Variants in ADCYAP1R1 observed in about 807,000 individuals in gnomAD.
The protein encoded by ADCYAP1R1 is ADCYAP receptor type I.
In ADCYAP1R1, 44 loss-of-function variants were observed where a neutral mutation model predicts 67.6. The observed-to-expected ratio is 0.65, with a 90% CI of 0.51 to 0.84. The LOEUF is 0.84. Ranked by LOEUF, ADCYAP1R1 falls within the 40% of genes least tolerant of loss-of-function variation. The pLI, the probability that ADCYAP1R1 is intolerant of heterozygous loss-of-function variation, is 0.00. For missense variants in ADCYAP1R1, 477 were observed against 587.9 expected (o/e 0.81, Z 1.95); for synonymous variants, 222 against 219.6 (o/e 1.01, Z -0.10).
Position 31,102,323 on chromosome 7 carries a change from T to C in ADCYAP1R1, c.1047-914T>C, listed in dbSNP as rs1163429053. ...GCAGGCCACATCTGCAGGGCAGAGCTGGACTCTCTGGGGGAGACCCACAGG... is the reference window on the plus strand; with the variant it reads ...GCAGGCCACATCTGCAGGGCAGAGCCGGACTCTCTGGGGGAGACCCACAGG... On this transcript the variant is annotated intron_variant, in intron 13 of 15. Transcript: ENST00000304166. This position sits in a 1 kb window ranked among gnomAD's most constrained non-coding sequence, Gnocchi z 4.3. 1.3e-5 allele frequency among the ~76,000 whole-genome samples: 2 copies of C among 152,182 alleles called. No homozygotes were observed. Among genetic ancestry groups the C allele is most frequent in the African/African-American group, 4.8e-5 (2 of 41,446 alleles).
intron 13 of ADCYAP1R1, among the ~76,000 whole-genome samples, chr7:31,097,049 C>T (rs147260072): frequency 6.6e-6 from 1 of 152,240 alleles, no homozygotes; most frequent in East Asian, 1.9e-4. Flanking sequence ...TGTGCTGGAT[C>T]CCCGGCTGAC....
At chr7:31,063,171 TCA>T (rs1794580857) in intron 1 of ADCYAP1R1, 21 bp from the exon 2 acceptor site, 1 of 1,510,518 alleles carries the variant, frequency 6.6e-7, no homozygotes, top group Non-Finnish European at 9.2e-7. Flanking sequence ...CTCACAGGAT[TCA>T]CACCTTTCCT....
At position 31,102,838 on chromosome 7, in the gene ADCYAP1R1, A is replaced by G. The variant is rs1796490923; in HGVS notation, c.1047-399A>G. Among the ~76,000 whole-genome samples the G allele has an allele frequency of 6.6e-6, 1 of 152,192 alleles. No individual in the cohort carries two copies. The highest frequency in any genetic ancestry group is 1.5e-5 in the Non-Finnish European group (1 of 68,024). On this transcript the variant is annotated intron_variant, in intron 13 of 15. Coordinates refer to ENST00000304166, the MANE Select transcript of ADCYAP1R1 (RefSeq NM_001118.5). The surrounding 1 kb of genome is among the most constrained non-coding windows in gnomAD (Gnocchi z 4.3). The stretch of plus-strand genomic sequence containing the variant: ...CCATCGAGGGCTGCTTCTTTCAGGC[A>G]CAAAGAGCTTTCTTCCAGAACAGGA...
intron 13 of ADCYAP1R1, among the ~76,000 whole-genome samples, chr7:31,101,831 A>T (rs1796449800): frequency 6.6e-6 from 1 of 152,190 alleles, no homozygotes; most frequent in South Asian, 2.1e-4. Flanking sequence ...GGATGGAAGG[A>T]TGGACTGGTC....
intron 13 of ADCYAP1R1, among the ~76,000 whole-genome samples, chr7:31,093,486 A>G (rs189543337): frequency 2.0e-4 from 30 of 152,108 alleles, no homozygotes; most frequent in African/African-American, 6.3e-4. Context: ...ATGAAATCAG[A>G]CATAGCAGCT....
chr7:31,084,614 G>T (rs1324970658), intron 7 of ADCYAP1R1, 123 bp from the exon 8 acceptor site: 2 of 802,060 alleles, frequency 2.5e-6, no homozygotes, highest in Admixed American at 3.6e-5. Context: ...GCAGAAGAGA[G>T]GAAGGAGGAG....
At chr7:31,098,703 C>G (rs567201310) in intron 13 of ADCYAP1R1, among the ~76,000 whole-genome samples, 75 of 59,542 alleles carry the variant, frequency 1.3e-3, no homozygotes, top group Non-Finnish European at 2.6e-3. Flanking sequence ...TGCAGCGGGG[C>G]GGGGGGGGGG....
chr7:31,065,033 G>A lies in ADCYAP1R1; in HGVS notation c.157+97G>A, dbSNP rs1794678869. On this transcript the variant is annotated intron_variant, in intron 3 of 15. Coordinates refer to ENST00000304166, the MANE Select transcript of ADCYAP1R1 (RefSeq NM_001118.5). ...TCGGCCAGTGAGTGGTCAAGGTATG[G>A]GTTTCTGGGGACTTCAGAAGGCCCT... is the stretch of plus-strand genomic sequence containing the variant. The A allele has an allele frequency of 5.8e-6, 5 of 854,888 alleles. No homozygotes were observed. In the South Asian group the frequency reaches 8.7e-5, roughly 15 times the overall value. The allele number at this position is 854,888 out of a possible 1,614,324, so 53.0% of individuals were successfully genotyped here.
intron 13 of ADCYAP1R1, among the ~76,000 whole-genome samples, chr7:31,094,725 C>T (rs1030714308): frequency 3.9e-5 from 6 of 152,160 alleles, no homozygotes; most frequent in African/African-American, 9.7e-5. Flanking sequence ...AGGTTCTCCA[C>T]GGACCAGGAG....
rs563245392 is a variant in ADCYAP1R1, at chr7:31,068,650, C to T, written c.157+3714C>T. On this transcript the variant is annotated intron_variant, in intron 3 of 15. Coordinates refer to ENST00000304166, the MANE Select transcript of ADCYAP1R1 (RefSeq NM_001118.5). Reference sequence around the variant, plus strand: ...GCCCAGGAGAGAATGAGGTCTCGGCCTCTAATGACTTGCTTGGGAAGGAGA... The same window carrying T: ...GCCCAGGAGAGAATGAGGTCTCGGCTTCTAATGACTTGCTTGGGAAGGAGA... Among the ~76,000 whole-genome samples the T allele has an allele frequency of 2.0e-5, 3 of 152,322 alleles. No individual in the cohort carries two copies. The East Asian group carries it at 5.8e-4, about 29-fold the overall frequency.
intron 6 of ADCYAP1R1, among the ~76,000 whole-genome samples, chr7:31,083,239 C>T (rs1795586292): frequency 6.6e-6 from 1 of 152,260 alleles, no homozygotes; most frequent in Admixed American, 6.5e-5. Flanking sequence ...AAGGGAGCTG[C>T]TTGCTCACCC....
At chr7:31,070,327 C>T (rs897696013) in intron 3 of ADCYAP1R1, among the ~76,000 whole-genome samples, 32 of 152,208 alleles carry the variant, frequency 2.1e-4, no homozygotes, top group African/African-American at 6.8e-4. Flanking sequence ...TGTGGTCCTC[C>T]ATGGGGGTCC....
intron 5 of ADCYAP1R1, 87 bp downstream of exon 5, chr7:31,080,720 C>T: frequency 1.4e-6 from 2 of 1,437,978 alleles, no homozygotes; most frequent in Non-Finnish European, 1.9e-6. Context: ...GCTCCGGCTG[C>T]TGGGATTGGG....
At chr7:31,103,915 A>T (rs891747085) in intron 14 of ADCYAP1R1, among the ~76,000 whole-genome samples, 1 of 152,230 alleles carries the variant, frequency 6.6e-6, no homozygotes, top group Non-Finnish European at 1.5e-5. Flanking sequence ...TGAGGAAATG[A>T]GCAGGCAGGA....
chr7:31,086,252 C>T lies in ADCYAP1R1; in HGVS notation c.670-132C>T, dbSNP rs934986508. 2.0e-6 allele frequency: 2 copies of T among 985,944 alleles called. No homozygotes were observed. Among genetic ancestry groups the T allele is most frequent in the African/African-American group, 3.3e-5 (2 of 60,660 alleles). 61.1% of individuals were successfully genotyped at this position (985,944 alleles called of 1,614,324 possible). Reference sequence around the variant, plus strand: ...TGCTGCAATTTTCAACTCTTTGATCCAGGAATATTGACTCTCTTAGATCCT... The same window carrying T: ...TGCTGCAATTTTCAACTCTTTGATCTAGGAATATTGACTCTCTTAGATCCT... On this transcript the variant is annotated intron_variant, in intron 9 of 15. Transcript: ENST00000304166. The surrounding 1 kb of genome is among the most constrained non-coding windows in gnomAD (Gnocchi z 5.0).
intron 15 of ADCYAP1R1, among the ~76,000 whole-genome samples, chr7:31,105,161 A>G (rs1474482626): frequency 6.6e-6 from 1 of 152,232 alleles, no homozygotes; most frequent in African/African-American, 2.4e-5. Context: ...CCAAAGAGCA[A>G]AGCTCCTGGT....
chr7:31,103,460 G>A, intron 14 of ADCYAP1R1, 94 bp downstream of exon 14: 7 of 1,554,740 alleles, frequency 4.5e-6, no homozygotes, highest in Non-Finnish European at 6.1e-6. Flanking sequence ...AATCTTGACT[G>A]TAAAGTGAGT....
chr7:31,109,726 ACT>A lies in ADCYAP1R1; in HGVS notation c.*3046_*3047del, dbSNP rs1158465148. On this transcript the variant is annotated 3_prime_UTR_variant, in exon 16 of 16. Coordinates refer to ENST00000304166, the MANE Select transcript of ADCYAP1R1 (RefSeq NM_001118.5). ...AGCAGGGAGGCAGTGTCAGGGAGGG[ACT>A]CTCATCCTGGAGGAAATGGGATTCC... 1 of 151,886 alleles carries A rather than the reference ACT, an allele frequency of 6.6e-6. No individual in the cohort carries two copies. Among genetic ancestry groups the A allele is most frequent in the Non-Finnish European group, 1.5e-5 (1 of 67,930 alleles). The allele number at this position is 151,886 out of a possible 1,614,324, so 9.4% of individuals were successfully genotyped here.
chr7:31,106,638 C>G lies in ADCYAP1R1; in HGVS notation c.1361C>G (p.Ser454Cys), dbSNP rs1796660540. The change falls in exon 16 of 16, where the codon TCC (serine) becomes TGC (cysteine). Residue 454 changes from serine (S) to cysteine (C), a missense_variant. By Grantham distance (112) the Ser-to-Cys change is moderately radical. Coordinates refer to ENST00000304166, the MANE Select transcript of ADCYAP1R1 (RefSeq NM_001118.5). Reference sequence around the variant, plus strand: ...CTCTCCATCCTGAGCAAGAGCAGCTCCCAAATCCGCATGTCTGGCCTCCCT... The same window carrying G: ...CTCTCCATCCTGAGCAAGAGCAGCTGCCAAATCCGCATGTCTGGCCTCCCT... ...TQLSILSKSSSQIRMSGLPAD... is the reference protein window; with the variant it reads ...TQLSILSKSSCQIRMSGLPAD... The G allele has an allele frequency of 6.2e-7, 1 of 1,612,966 alleles. No homozygotes were observed. Among genetic ancestry groups the G allele is most frequent in the African/African-American group, 1.3e-5 (1 of 74,914 alleles).
Sources: allele counts gnomAD v4.1 joint callset (sites outside exome capture counted in the v4.1 genomes callset), GRCh38; gene constraint gnomAD v4.1.1; non-coding constraint Gnocchi (gnomAD v3.1); transcripts MANE v1.5; gene names NCBI Gene and HGNC (gene_info 2026-07-23, HGNC 2026-07-21).